THBS2: variants seen among roughly 807,000 people sequenced by gnomAD.
THBS2 encodes the protein thrombospondin 2.
In THBS2, 47 loss-of-function variants were observed where a neutral mutation model predicts 135.2. That is an observed-to-expected ratio of 0.35 (90% CI 0.28 to 0.44). THBS2 has a LOEUF of 0.44. Ranked by LOEUF, THBS2 falls within the 20% of genes least tolerant of loss-of-function variation. The pLI, the probability that THBS2 is intolerant of heterozygous loss-of-function variation, is 1.00. For missense variants in THBS2, 1,288 were observed against 1,603.1 expected (o/e 0.80, Z 3.36); for synonymous variants, 639 against 633.8 (o/e 1.01, Z -0.12).
Position 169,242,000 on chromosome 6 carries a change from G to A in THBS2, c.695-42C>T, listed in dbSNP as rs79283382. On this transcript the variant is annotated intron_variant, in intron 4 of 21. Coordinates refer to ENST00000617924, the MANE Select transcript of THBS2 (RefSeq NM_003247.5). This position sits in a 1 kb window ranked among gnomAD's most constrained non-coding sequence, Gnocchi z 5.5. The stretch of plus-strand genomic sequence containing the variant: ...AAGGGCCGTGAGCATCACAGAGGAC[G>A]GGGCCAGCAGCAGGGGCTGGGAACA... 2.4e-4 allele frequency: 373 copies of A among 1,566,852 alleles called. 2 individuals carry two copies. In the East Asian group the frequency reaches 7.4e-3, roughly 31 times the overall value.
At position 169,248,875 on chromosome 6, in the gene THBS2, C is replaced by T. The variant is rs141380535; in HGVS notation, c.151G>A (p.Gly51Ser). The T allele has an allele frequency of 2.5e-5, 41 of 1,612,658 alleles. No individual in the cohort carries two copies. In the African/African-American group the frequency reaches 2.8e-4, roughly 11 times the overall value. Residue 51 changes from glycine to serine, a missense_variant, in exon 3 of 22, where the codon GGC (glycine) becomes AGC (serine). By Grantham distance (56) the Gly-to-Ser change is moderately conservative (BLOSUM62 0). Coordinates refer to ENST00000617924, the MANE Select transcript of THBS2 (RefSeq NM_003247.5). The part of the protein sequence containing the change: ...GAKQFRGPDP[G>S]VPAYRFVRFD... ...CGCACGAAGCGGTAAGCCGGCACGC[C>T]GGGGTCGGGCCCGCGGAACTGCTTG...
chr6:169,232,899 G>T lies in THBS2; in HGVS notation c.1770C>A (p.Asp590Glu). The change falls in exon 11 of 22, where the codon GAC (aspartate) becomes GAA (glutamate). Residue 590 changes from aspartate to glutamate, a missense_variant. Around this residue, in one of 2 missense-constraint regions of THBS2, gnomAD observed 874 missense variants for 1,156.1 expected, o/e 0.76. Transcript: ENST00000617924. ...GGGCGGGGTCACCCACCTCGTCCAG[G>T]TCCTCACAGTGGGTGCCATTGCCCA... ...GFLGNGTHCEDLDECALVPDI... is the reference protein window; with the variant it reads ...GFLGNGTHCEELDECALVPDI... 6.3e-7 allele frequency: 1 copy of T among 1,594,850 alleles called. No individual in the cohort carries two copies. Among genetic ancestry groups the T allele is most frequent in the Non-Finnish European group, 8.5e-7 (1 of 1,170,920 alleles).
chr6:169,246,381 A>C lies in THBS2; in HGVS notation c.610-100T>G. 4 of 943,890 alleles carry C rather than the reference A, an allele frequency of 4.2e-6. No homozygotes were observed. In the South Asian group the frequency reaches 5.5e-5, roughly 13 times the overall value. The allele number at this position is 943,890 out of a possible 1,614,324, so 58.5% of individuals were successfully genotyped here. On this transcript the variant is annotated intron_variant, in intron 3 of 21. Coordinates refer to ENST00000617924, the MANE Select transcript of THBS2 (RefSeq NM_003247.5). ...CTAAAAATACAAGTTGGAATCTTCAAGTAGTGAGAGTATTTCCTTCTACGT... is the reference window on the plus strand; with the variant it reads ...CTAAAAATACAAGTTGGAATCTTCACGTAGTGAGAGTATTTCCTTCTACGT...
At chr6:169,237,368 G>T (rs776067842) in intron 8 of THBS2, 22 bp from the exon 9 acceptor site, 21 of 1,612,454 alleles carry the variant, frequency 1.3e-5, no homozygotes, top group Non-Finnish European at 1.6e-5. Flanking sequence ...AGCGGAGAGA[G>T]ATCAGGCTGT....
intron 16 of THBS2, 108 bp from the exon 17 acceptor site, chr6:169,225,487 A>G (rs1207007599): frequency 3.4e-6 from 4 of 1,165,428 alleles, no homozygotes; most frequent in East Asian, 2.6e-5. Context: ...CCTGCAGCAC[A>G]AGCCCCAGGG....
Position 169,222,255 on chromosome 6 carries a change from G to T in THBS2, c.3215C>A (p.Thr1072Lys), listed in dbSNP as rs770741982. The T allele has an allele frequency of 6.2e-7, 1 of 1,613,186 alleles. No homozygotes were observed. The change falls in exon 19 of 22, where the codon ACG becomes AAG. Residue 1072 changes from threonine (T) to lysine (K), a missense_variant. This residue lies in a region of THBS2 where 874 missense variants were observed against 1,156.1 expected (regional missense o/e 0.76). Coordinates refer to ENST00000617924, the MANE Select transcript of THBS2 (RefSeq NM_003247.5). Reference sequence around the variant, plus strand: ...GTTCCTCAGGTGCTCGCCCGTCCCCGTGGTGGAGTTCACCACCTTGAGGGA... The same window carrying T: ...GTTCCTCAGGTGCTCGCCCGTCCCCTTGGTGGAGTTCACCACCTTGAGGGA... ...GVSLKVVNST[T>K]GTGEHLRNAL...
chr6:169,221,254 ATACT>A (rs1221592112), intron 20 of THBS2, among the ~76,000 whole-genome samples, 172 bp downstream of exon 20: 2 of 152,238 alleles, frequency 1.3e-5, no homozygotes, highest in Non-Finnish European at 2.9e-5. Flanking sequence ...TTTTTTAAAA[ATACT>A]TAATATTTAG....
At chr6:169,236,243 C>A (rs1435353283) in intron 9 of THBS2, among the ~76,000 whole-genome samples, 1 of 134,020 alleles carries the variant, frequency 7.5e-6, no homozygotes. Flanking sequence ...CACACTCACT[C>A]CCCATCCACA....
At position 169,248,530 on chromosome 6, in the gene THBS2, C is replaced by T. The variant is rs529142755; in HGVS notation, c.496G>A (p.Gly166Ser). The change falls in exon 3 of 22, where the codon GGC becomes AGC. Residue 166 changes from glycine to serine, a missense_variant. This residue lies in a region of THBS2 where 414 missense variants were observed against 447.0 expected (regional missense o/e 0.93). Transcript: ENST00000617924. ...GCGAAGCTGTCTATGAGGTCGCAGCCCACGTGCAAGCTGTAGGTCTCGCCA... is the reference window on the plus strand; with the variant it reads ...GCGAAGCTGTCTATGAGGTCGCAGCTCACGTGCAAGCTGTAGGTCTCGCCA... ...VAGETYSLHV[G>S]CDLIDSFALD... is the part of the protein sequence containing the mutation. 1 of 1,614,022 alleles carries T rather than the reference C, an allele frequency of 6.2e-7. No homozygotes were observed. The highest frequency in any genetic ancestry group is 2.2e-5 in the East Asian group (1 of 44,864).
At position 169,241,304 on chromosome 6, in the gene THBS2, C is replaced by T. The variant is rs1780284325; in HGVS notation, c.891+458G>A. ...TCCTGGCCGCGCTGTGCCGCTCAAA[C>T]CCATTTCACTCCTGCCAGCCTCACA... is the stretch of plus-strand genomic sequence containing the variant. On this transcript the variant is annotated intron_variant, in intron 5 of 21. Coordinates refer to ENST00000617924, the MANE Select transcript of THBS2 (RefSeq NM_003247.5). This position sits in a 1 kb window ranked among gnomAD's most constrained non-coding sequence, Gnocchi z 5.5. Among the ~76,000 whole-genome samples, 1 of 152,184 alleles carries T rather than the reference C, an allele frequency of 6.6e-6. No individual in the cohort carries two copies. Among genetic ancestry groups the T allele is most frequent in the Admixed American group, 6.5e-5 (1 of 15,276 alleles).
rs542518710 is a variant in THBS2, at chr6:169,253,610, G to T, written c.-23+114C>A. 6 of 152,168 alleles carry T rather than the reference G, an allele frequency of 3.9e-5. No homozygotes were observed. The South Asian group carries it at 1.2e-3, about 32-fold the overall frequency. The allele number at this position is 152,168 out of a possible 1,614,324, so 9.4% of individuals were successfully genotyped here. A position where few individuals can be genotyped will look rare whatever the true frequency, so the allele number is the denominator to read the frequency against. ...TTAATAGATACACCACCCACCTTAA[G>T]TTAAGAATCGAAATTGCTCCTTTTT... On this transcript the variant is annotated intron_variant, in intron 1 of 21. Transcript: ENST00000617924.
chr6:169,219,223 G>C (rs1190724203), intron 21 of THBS2, among the ~76,000 whole-genome samples: 2 of 73,572 alleles, frequency 2.7e-5, no homozygotes, highest in Non-Finnish European at 5.9e-5. Context: ...ATGGATGAGT[G>C]GGTGGGTGGG....
At chr6:169,247,662 GGGT>G (rs1780598387) in intron 3 of THBS2, among the ~76,000 whole-genome samples, 1 of 151,562 alleles carries the variant, frequency 6.6e-6, no homozygotes, top group Admixed American at 6.6e-5. Flanking sequence ...GCATGGCTGT[GGGT>G]GGTGTGTGCA....
In THBS2 at chr6:169,217,471, T is replaced by G. The variant is rs937970865; in HGVS notation, c.*351A>C. ...GCACAGTATTCCCTTCAACTCCATA[T>G]ACACATAAATACAATAAGTAATTAC... On this transcript the variant is annotated 3_prime_UTR_variant, in exon 22 of 22. Transcript: ENST00000617924. 6.9e-6 allele frequency: 2 copies of G among 288,338 alleles called. No individual in the cohort carries two copies. The highest frequency in any genetic ancestry group is 2.4e-4 in the South Asian group (2 of 8,182). 17.9% of individuals were successfully genotyped at this position (288,338 alleles called of 1,614,324 possible). A position where few individuals can be genotyped will look rare whatever the true frequency, so the allele number is the denominator to read the frequency against.
Position 169,241,421 on chromosome 6 carries a change from GTGTGTATGTGTGTGTGTA to G in THBS2, c.891+323_891+340del, listed in dbSNP as rs1330751807. On this transcript the variant is annotated intron_variant, in intron 5 of 21. Transcript: ENST00000617924. This position sits in a 1 kb window ranked among gnomAD's most constrained non-coding sequence, Gnocchi z 5.5. ...TGCAGGTGTGTGTGTGTGTGTATGT[GTGTGTATGTGTGTGTGTA>G]TGTGTGTGTGTGTGTGTACACTCAT... Among the ~76,000 whole-genome samples the G allele has an allele frequency of 1.3e-5, 1 of 75,366 alleles. No individual in the cohort carries two copies. The highest frequency in any genetic ancestry group is 6.4e-5 in the African/African-American group (1 of 15,508). The allele number at this position is 75,366 out of a possible 152,430, so 49.4% of individuals were successfully genotyped here.
chr6:169,243,019 ACCTTCCCACCTTCCCACCG>A (rs1780406414), intron 4 of THBS2, among the ~76,000 whole-genome samples: 1 of 55,858 alleles, frequency 1.8e-5, no homozygotes, highest in Admixed American at 2.1e-4. Context: ...CCACATTCCC[ACCTTCCCACCTTCCCACCG>A]CTCCCACCTT....
chr6:169,242,022 A>C, intron 4 of THBS2, 64 bp from the exon 5 acceptor site: 1 of 1,534,772 alleles, frequency 6.5e-7, no homozygotes, highest in Non-Finnish European at 8.8e-7. Flanking sequence ...AGGGGCTGGG[A>C]ACAGAGGGAG....
intron 13 of THBS2, among the ~76,000 whole-genome samples, chr6:169,231,300 C>T (rs190698798): frequency 7.9e-5 from 12 of 152,256 alleles, no homozygotes; most frequent in African/African-American, 2.6e-4. Context: ...TGAAGCCGAC[C>T]AGAGGTCAGG....
At chr6:169,245,641 A>T (rs1006208498) in intron 4 of THBS2, among the ~76,000 whole-genome samples, 1 of 151,910 alleles carries the variant, frequency 6.6e-6, no homozygotes, top group Non-Finnish European at 1.5e-5. Context: ...AAATACAAAA[A>T]ATTAGCTGGG....
Sources: allele counts gnomAD v4.1 joint callset (sites outside exome capture counted in the v4.1 genomes callset), GRCh38; gene constraint gnomAD v4.1.1; regional missense constraint gnomAD v4.1.1; non-coding constraint Gnocchi (gnomAD v3.1); transcripts MANE v1.5; gene names NCBI Gene and HGNC (gene_info 2026-07-23, HGNC 2026-07-21).